ZNF829: variants seen among roughly 807,000 people sequenced by gnomAD.
ZNF829 encodes zinc finger protein 829.
In ZNF829, 25 loss-of-function variants were observed where a neutral mutation model predicts 35.2. The ratio of observed to expected loss-of-function variants is 0.71; its 90% CI spans 0.52 to 0.99. ZNF829 has a LOEUF of 0.99. ZNF829 is among the 50% of genes least tolerant of loss of function. The pLI, the probability that ZNF829 is intolerant of heterozygous loss-of-function variation, is 0.00. For synonymous variants in ZNF829, 136 were observed against 163.2 expected (o/e 0.83, Z 1.27); for missense variants, 417 against 515.3 (o/e 0.81, Z 1.85).
intron 5 of ZNF829, among the ~76,000 whole-genome samples, chr19:36,899,957 T>C (rs974794949): frequency 2.6e-5 from 4 of 152,072 alleles, no homozygotes; most frequent in Admixed American, 6.6e-5. Flanking sequence ...CACTTAGTAT[T>C]TGCTAGCAAA....
chr19:36,908,929 C>T (rs1021523607), intron 3 of ZNF829, among the ~76,000 whole-genome samples: 5 of 152,022 alleles, frequency 3.3e-5, no homozygotes, highest in Non-Finnish European at 7.4e-5. Context: ...AAATTCTGAC[C>T]TAGAATTCTA....
chr19:36,900,543 TAATA>T (rs2073156407), intron 5 of ZNF829, among the ~76,000 whole-genome samples: 3 of 151,452 alleles, frequency 2.0e-5, no homozygotes, highest in African/African-American at 4.9e-5. Context: ...AAATAAAGAT[TAATA>T]AATAAATAAA....
rs145002878 is a variant in ZNF829, at chr19:36,893,133, C to T, written c.320-662G>A. On this transcript the variant is annotated intron_variant, in intron 5 of 5. Transcript: ENST00000391711. Reference sequence around the variant, plus strand: ...CAAATGTGTTGAAAGGTTTAAATGTCGGGGGCGGGTGGAGTTCAGTGACTG... The same window carrying T: ...CAAATGTGTTGAAAGGTTTAAATGTTGGGGGCGGGTGGAGTTCAGTGACTG... The T allele has an allele frequency of 4.4e-3, 1,755 of 396,242 alleles. 32 individuals are homozygous for T. Among genetic ancestry groups the T allele is most frequent in the Non-Finnish European group, 1.9e-3 (438 of 225,152 alleles). The allele number at this position is 396,242 out of a possible 1,614,324, so 24.5% of individuals were successfully genotyped here.
chr19:36,903,320 G>GGTTTT (rs770582915), intron 5 of ZNF829, among the ~76,000 whole-genome samples: 20 of 152,000 alleles, frequency 1.3e-4, no homozygotes, highest in Non-Finnish European at 2.8e-4. Flanking sequence ...AAATACATGT[G>GGTTTT]GTTTTGTTTT....
rs757325747 is a variant in ZNF829 at position 36,915,221 on chromosome 19, T to G, written c.-54A>C. On this transcript the variant is annotated 5_prime_UTR_variant, in exon 2 of 6. Coordinates refer to ENST00000391711, the MANE Select transcript of ZNF829 (RefSeq NM_001037232.4). ...AGGTTGTGTTCACTGCTGTCCAGGG[T>G]TGGAATCTGACCAGACCTCAGAGAG... 3.1e-6 allele frequency: 5 copies of G among 1,613,958 alleles called. No homozygotes were observed. In the South Asian group the frequency reaches 4.4e-5, roughly 14 times the overall value.
At position 36,889,986 on chromosome 19, in the gene ZNF829, C is replaced by A. The variant is rs374160492; in HGVS notation, c.*1506G>T. 2 of 152,056 alleles carry A rather than the reference C, an allele frequency of 1.3e-5. No individual in the cohort carries two copies. Among genetic ancestry groups the A allele is most frequent in the Non-Finnish European group, 2.9e-5 (2 of 68,008 alleles). The allele number at this position is 152,056 out of a possible 1,614,324, so 9.4% of individuals were successfully genotyped here. On this transcript the variant is annotated 3_prime_UTR_variant, in exon 6 of 6. Transcript: ENST00000391711. Reference sequence around the variant, plus strand: ...GTTTTGTCTCTATTTTCATTTATTTCAAAAAATTTTAAATTTCCACCTTAG... The same window carrying A: ...GTTTTGTCTCTATTTTCATTTATTTAAAAAAATTTTAAATTTCCACCTTAG...
intron 3 of ZNF829, among the ~76,000 whole-genome samples, chr19:36,913,194 A>G (rs1451302383): frequency 1.3e-5 from 2 of 152,156 alleles, no homozygotes; most frequent in Non-Finnish European, 2.9e-5. Context: ...ATTCAGATAG[A>G]AAGGCCTTAC....
intron 5 of ZNF829, among the ~76,000 whole-genome samples, chr19:36,893,187 C>T (rs2073078768): frequency 6.6e-6 from 1 of 152,160 alleles, no homozygotes; most frequent in African/African-American, 2.4e-5. Context: ...AATCACCAGC[C>T]TCCGACAAAT....
At chr19:36,910,114 C>T (rs1167177103) in intron 3 of ZNF829, among the ~76,000 whole-genome samples, 7 of 148,806 alleles carry the variant, frequency 4.7e-5, no homozygotes, top group South Asian at 4.2e-4. Flanking sequence ...GACGGAGTTT[C>T]GCTCTTGTTG....
intron 5 of ZNF829, among the ~76,000 whole-genome samples, chr19:36,900,357 TAAAAA>T (rs112232974): frequency 5.3e-5 from 7 of 132,378 alleles, no homozygotes; most frequent in African/African-American, 1.7e-4. Context: ...GACTCTGTCT[TAAAAA>T]AAAAAAAAAA....
chr19:36,914,136 A>T (rs2073285792), intron 3 of ZNF829, among the ~76,000 whole-genome samples: 1 of 152,202 alleles, frequency 6.6e-6, no homozygotes, highest in South Asian at 2.1e-4. Context: ...TTATGGCTTT[A>T]AGCATAAATA....
In ZNF829 at chr19:36,892,050, T is replaced by C. The variant is rs1453875114; in HGVS notation, c.741A>G (p.Lys247=). Residue 247 remains lysine (K), a synonymous_variant, in exon 6 of 6, where the codon AAA becomes AAG. Transcript: ENST00000391711. Reference sequence around the variant, plus strand: ...TAAGGTTTGAGCAATACTTAAAGGCTTTTCCACATTCCTTACATTCATAGG... The same window carrying C: ...TAAGGTTTGAGCAATACTTAAAGGCCTTTCCACATTCCTTACATTCATAGG... ...EKPYECKECG[K]AFKYCSNLND... is the part of the protein sequence containing the mutation. 6.2e-7 allele frequency: 1 copy of C among 1,613,568 alleles called. No homozygotes were observed. The highest frequency in any genetic ancestry group is 1.1e-5 in the South Asian group (1 of 91,024).
At chr19:36,902,017 T>TA in intron 5 of ZNF829, 1 of 677,624 alleles carries the variant, frequency 1.5e-6, no homozygotes, top group Non-Finnish European at 2.7e-6. Flanking sequence ...CCAGAATACG[T>TA]AATGGGGATG....
Position 36,891,796 on chromosome 19 carries a change from G to C in ZNF829, c.995C>G (p.Ala332Gly). Residue 332 changes from alanine (A) to glycine (G), a missense_variant, in exon 6 of 6, where the codon GCC becomes GGC. Coordinates refer to ENST00000391711, the MANE Select transcript of ZNF829 (RefSeq NM_001037232.4). Reference protein sequence around the residue: ...KPYECKQCGKAFNSASTLTNH... With the variant: ...KPYECKQCGKGFNSASTLTNH... ...AGTAAGTGTTGAGGCACTATTAAAG[G>C]CCTTCCCACACTGCTTACATTCATA... 1 of 1,614,092 alleles carries C rather than the reference G, an allele frequency of 6.2e-7. No homozygotes were observed. The highest frequency in any genetic ancestry group is 1.7e-5 in the Admixed American group (1 of 60,012).
At position 36,895,530 on chromosome 19, in the gene ZNF829, T is replaced by A. The variant is rs533311845; in HGVS notation, c.320-3059A>T. On this transcript the variant is annotated intron_variant, in intron 5 of 5. Coordinates refer to ENST00000391711, the MANE Select transcript of ZNF829 (RefSeq NM_001037232.4). ...CTCACCTATTAATAATAACCTTGAA[T>A]GTAAACAGTCAAATTCCCCACTTAA... Among the ~76,000 whole-genome samples the A allele has an allele frequency of 3.9e-5, 6 of 152,286 alleles. No individual in the cohort carries two copies. In the South Asian group the frequency reaches 6.2e-4, roughly 16 times the overall value.
At chr19:36,913,547 G>T (rs111514132) in intron 3 of ZNF829, among the ~76,000 whole-genome samples, 1 of 152,044 alleles carries the variant, frequency 6.6e-6, no homozygotes, top group Non-Finnish European at 1.5e-5. Flanking sequence ...ATGAGGCAAG[G>T]TTCTTTTGTT....
Position 36,916,078 on chromosome 19 carries a change from C to T in ZNF829, c.-152G>A, listed in dbSNP as rs1276921182. ...AATTCCTGCGAGAAAAGTGGCAGGCCACCAGGCCCTCTGGGAAATGTAGTC... is the reference window on the plus strand; with the variant it reads ...AATTCCTGCGAGAAAAGTGGCAGGCTACCAGGCCCTCTGGGAAATGTAGTC... On this transcript the variant is annotated 5_prime_UTR_variant, in exon 1 of 6. Coordinates refer to ENST00000391711, the MANE Select transcript of ZNF829 (RefSeq NM_001037232.4). The surrounding 1 kb of genome is among the most constrained non-coding windows in gnomAD (Gnocchi z 5.3). 3 of 744,728 alleles carry T rather than the reference C, an allele frequency of 4.0e-6. No individual in the cohort carries two copies. The highest frequency in any genetic ancestry group is 6.3e-6 in the Non-Finnish European group (3 of 474,526). 46.1% of individuals were successfully genotyped at this position (744,728 alleles called of 1,614,324 possible). A position where few individuals can be genotyped will look rare whatever the true frequency, so the allele number is the denominator to read the frequency against.
chr19:36,912,986 A>T (rs921656741), intron 3 of ZNF829: 1 of 152,270 alleles, frequency 6.6e-6, no homozygotes, highest in African/African-American at 2.4e-5. Context: ...AACAAGAGTG[A>T]AACTCTGTCC....
intron 5 of ZNF829, chr19:36,901,710 T>A (rs2073167402): frequency 4.8e-6 from 2 of 419,382 alleles, no homozygotes; most frequent in Non-Finnish European, 8.8e-6. Context: ...CCTTAAAAAA[T>A]AAACAAGTCT....
Sources: allele counts gnomAD v4.1 joint callset (sites outside exome capture counted in the v4.1 genomes callset), GRCh38; gene constraint gnomAD v4.1.1; non-coding constraint Gnocchi (gnomAD v3.1); transcripts MANE v1.5; gene names NCBI Gene and HGNC (gene_info 2026-07-23, HGNC 2026-07-21).